The following PHF11 variants were observed in gnomAD, a reference collection of about 807,000 sequenced individuals.
PHF11 encodes the protein BRCA1 C-terminus-associated protein.
In PHF11, 38 loss-of-function variants were observed where a neutral mutation model predicts 40.5. The ratio of observed to expected loss-of-function variants is 0.94; its 90% CI spans 0.72 to 1.23. The LOEUF (loss-of-function observed/expected upper bound fraction) is 1.23. Ranked by LOEUF, PHF11 falls within the 50% of genes most tolerant of loss-of-function variation. The pLI is 0.00. For missense variants in PHF11, 369 were observed against 392.4 expected, an observed-to-expected ratio of 0.94 and a Z score of 0.50; for synonymous variants, 127 against 138.2, an observed-to-expected ratio of 0.92 and a Z score of 0.57.
rs1242547087 is a variant in PHF11 at position 49,526,423 on chromosome 13, G to T, written c.806G>T (p.Arg269Ile). Residue 269 changes from arginine to isoleucine, a missense_variant, in exon 9 of 10, where the codon AGA (arginine) becomes ATA (isoleucine). Coordinates refer to ENST00000378319, the MANE Select transcript of PHF11 (RefSeq NM_001040443.3). Reference protein sequence around the residue: ...EEIGSALFDCRLFEDTFVNFQ... With the variant: ...EEIGSALFDCILFEDTFVNFQ... ...ATCGGGAGTGCACTTTTTGACTGTAGATTGTTCGAAGACACATTTGTAAAT... is the reference window on the plus strand; with the variant it reads ...ATCGGGAGTGCACTTTTTGACTGTATATTGTTCGAAGACACATTTGTAAAT... The T allele has an allele frequency of 1.2e-6, 2 of 1,610,014 alleles. No individual in the cohort carries two copies. Among genetic ancestry groups the T allele is most frequent in the South Asian group, 1.1e-5 (1 of 91,002 alleles).
At chr13:49,522,645 C>G (rs548472633) in intron 6 of PHF11, among the ~76,000 whole-genome samples, 80 of 152,198 alleles carry the variant, frequency 5.3e-4, no homozygotes, top group African/African-American at 1.9e-3. Flanking sequence ...TCATATGCGC[C>G]AGCAACCTTC....
chr13:49,528,751 T>C lies in PHF11; in HGVS notation c.*86T>C. ...CCAGGCTGTGAAATCCACACATCTTTAGAACTAGTCGTCTCCTCTTGGCCT... is the reference window on the plus strand; with the variant it reads ...CCAGGCTGTGAAATCCACACATCTTCAGAACTAGTCGTCTCCTCTTGGCCT... On this transcript the variant is annotated 3_prime_UTR_variant, in exon 10 of 10. Transcript: ENST00000378319. 1 of 934,128 alleles carries C rather than the reference T, an allele frequency of 1.1e-6. No homozygotes were observed. Among genetic ancestry groups the C allele is most frequent in the Non-Finnish European group, 1.6e-6 (1 of 611,846 alleles). The allele number at this position is 934,128 out of a possible 1,614,324, so 57.9% of individuals were successfully genotyped here. A position where few individuals can be genotyped will look rare whatever the true frequency, so the allele number is the denominator to read the frequency against.
rs1263300622 is a variant in PHF11 at position 49,506,901 on chromosome 13, T to TC, written c.216+145_216+146insC. On this transcript the variant is annotated intron_variant, in intron 2 of 9. Coordinates refer to ENST00000378319, the MANE Select transcript of PHF11 (RefSeq NM_001040443.3). Reference sequence around the variant, plus strand: ...AGGTGAAGATTGGGGAGCATTTCTTTTTTTTTTTTTTTTTTTTTTTGAGAC... The same window carrying TC: ...AGGTGAAGATTGGGGAGCATTTCTTTCTTTTTTTTTTTTTTTTTTTTGAGAC... The TC allele has an allele frequency of 8.8e-5, 33 of 374,282 alleles. 1 individual carries two copies. Among genetic ancestry groups the TC allele is most frequent in the African/African-American group, 6.7e-4 (28 of 41,646 alleles). 23.2% of individuals were successfully genotyped at this position (374,282 alleles called of 1,614,324 possible).
At chr13:49,497,439 T>C (rs1278178616) in intron 1 of PHF11, among the ~76,000 whole-genome samples, 1 of 152,180 alleles carries the variant, frequency 6.6e-6, no homozygotes, top group Non-Finnish European at 1.5e-5. Flanking sequence ...TCAGGGCCTC[T>C]CTTTCCTCCG....
In PHF11 at chr13:49,496,040, C is replaced by A; in HGVS notation, c.39C>A (p.Leu13=). The A allele has an allele frequency of 6.9e-7, 1 of 1,448,436 alleles. No homozygotes were observed. Among genetic ancestry groups the A allele is most frequent in the Non-Finnish European group, 9.1e-7 (1 of 1,103,346 alleles). The allele number at this position is 1,448,436 out of a possible 1,614,324, so 89.7% of individuals were successfully genotyped here. The stretch of plus-strand genomic sequence containing the variant: ...CGCCGCCCCGGCCCGAGAGGGTGCT[C>A]GGCGCCAGCAGCCCGGAGGCCCGGC... ...QASPPRPERV[L]GASSPEARPA... is the part of the protein sequence containing the mutation. Residue 13 remains leucine (L), a synonymous_variant, in exon 1 of 10, where the codon CTC becomes CTA. Coordinates refer to ENST00000378319, the MANE Select transcript of PHF11 (RefSeq NM_001040443.3).
chr13:49,513,222 A>T, intron 3 of PHF11, 56 bp downstream of exon 3: 1 of 808,960 alleles, frequency 1.2e-6, no homozygotes, highest in Non-Finnish European at 2.1e-6. Flanking sequence ...CAAGGAATGC[A>T]TTCCAAAGGA....
Position 49,528,601 on chromosome 13 carries a change from G to C in PHF11, c.932G>C (p.Cys311Ser), listed in dbSNP as rs768032393. 3 of 1,611,042 alleles carry C rather than the reference G, an allele frequency of 1.9e-6. No homozygotes were observed. Among genetic ancestry groups the C allele is most frequent in the Non-Finnish European group, 2.5e-6 (3 of 1,177,586 alleles). Residue 311 changes from cysteine to serine, a missense_variant, in exon 10 of 10, where the codon TGC becomes TCC. Coordinates refer to ENST00000378319, the MANE Select transcript of PHF11 (RefSeq NM_001040443.3). ...ELLQDLKQTL[C>S]SFQENRDLMS... ...CTTCAGGACTTAAAACAAACCTTGTGCTCTTTTCAAGAAAATAGAGATCTT... is the reference window on the plus strand; with the variant it reads ...CTTCAGGACTTAAAACAAACCTTGTCCTCTTTTCAAGAAAATAGAGATCTT...
chr13:49,513,256 G>A, intron 3 of PHF11, 90 bp downstream of exon 3: 1 of 633,758 alleles, frequency 1.6e-6, no homozygotes, highest in Non-Finnish European at 2.8e-6. Context: ...ATACACCAGG[G>A]ATAGAGAAGC....
intron 4 of PHF11, 130 bp from the exon 5 acceptor site, chr13:49,520,764 A>C (rs1355653904): frequency 4.9e-6 from 2 of 404,216 alleles, no homozygotes; most frequent in Non-Finnish European, 8.5e-6. Flanking sequence ...ACAGGGCTTC[A>C]AAAAAAAAAA....
At chr13:49,523,947 A>G (rs1189183823) in intron 7 of PHF11, 138 bp from the exon 8 acceptor site, 1 of 490,144 alleles carries the variant, frequency 2.0e-6, no homozygotes, top group African/African-American at 2.0e-5. Context: ...ATAATTAATA[A>G]AAAGGGTGAA....
Position 49,528,690 on chromosome 13 carries a change from G to T in PHF11, c.*25G>T, listed in dbSNP as rs1004076778. 4 of 1,547,930 alleles carry T rather than the reference G, an allele frequency of 2.6e-6. No homozygotes were observed. The highest frequency in any genetic ancestry group is 1.4e-5 in the African/African-American group (1 of 72,518). ...GGGATTACCGTTTCCTAAGCCAAGA[G>T]TCATGTCAAATTGCAATCAGGCTCA... On this transcript the variant is annotated 3_prime_UTR_variant, in exon 10 of 10. Coordinates refer to ENST00000378319, the MANE Select transcript of PHF11 (RefSeq NM_001040443.3).
chr13:49,525,308 C>T (rs1327656730), intron 8 of PHF11, among the ~76,000 whole-genome samples: 1 of 152,178 alleles, frequency 6.6e-6, no homozygotes, highest in Non-Finnish European at 1.5e-5. Flanking sequence ...AGTGCAGTGG[C>T]ATGATCTCAG....
In PHF11 at chr13:49,496,009, AGGCGTCGCCGCCCC is replaced by A. The variant is rs1958797058; in HGVS notation, c.12_25del (p.Ser5ArgfsTer46). ...CGCAGCTGCAGCACAGTCATGGCCC[AGGCGTCGCCGCCCC>A]GGCCCGAGAGGGTGCTCGGCGCCAG... On this transcript the variant is annotated frameshift_variant, in exon 1 of 10. Transcript: ENST00000378319. LOFTEE classifies it high-confidence loss of function. 1 of 1,475,352 alleles carries A rather than the reference AGGCGTCGCCGCCCC, an allele frequency of 6.8e-7. No individual in the cohort carries two copies. 91.4% of individuals were successfully genotyped at this position (1,475,352 alleles called of 1,614,324 possible). A position where few individuals can be genotyped will look rare whatever the true frequency, so the allele number is the denominator to read the frequency against.
In PHF11 at chr13:49,528,518, GA is replaced by G; in HGVS notation, c.856del (p.Ile286PhefsTer11). The stretch of plus-strand genomic sequence containing the variant: ...TATTTCTTCTTTTCATAGCAATAGA[GA>G]AAAAAATTCATGCATCTCAACAAAG... Reference protein sequence around the residue: ...TFVNFQAAIEKKIHASQQRWQ... With the variant: ...TFVNFQAAIEXKIHASQQRWQ... On this transcript the variant is annotated frameshift_variant, in exon 10 of 10. Transcript: ENST00000378319. LOFTEE classifies it low-confidence loss of function (END_TRUNC). 2.5e-6 allele frequency: 4 copies of G among 1,593,986 alleles called. No homozygotes were observed. The highest frequency in any genetic ancestry group is 3.4e-6 in the Non-Finnish European group (4 of 1,171,910).
chr13:49,499,633 G>A (rs1958873621), intron 1 of PHF11, among the ~76,000 whole-genome samples: 1 of 152,306 alleles, frequency 6.6e-6, no homozygotes, highest in African/African-American at 2.4e-5. Flanking sequence ...CAAGCCTCTA[G>A]GTAATGTCTA....
intron 1 of PHF11, among the ~76,000 whole-genome samples, chr13:49,498,793 G>T (rs143810437): frequency 2.6e-5 from 4 of 152,210 alleles, no homozygotes. Context: ...CTTCCACACC[G>T]CTGCCAGCAC....
intron 1 of PHF11, among the ~76,000 whole-genome samples, chr13:49,503,407 CCTAA>C (rs1425367036): frequency 6.6e-6 from 1 of 152,236 alleles, no homozygotes; most frequent in African/African-American, 2.4e-5. Context: ...ATTTTATTTT[CCTAA>C]CTGCTATTTA....
At chr13:49,511,569 C>A (rs1463949472) in intron 2 of PHF11, among the ~76,000 whole-genome samples, 1 of 152,072 alleles carries the variant, frequency 6.6e-6, no homozygotes, top group Non-Finnish European at 1.5e-5. Context: ...CTCAGGTGAT[C>A]CACCTGCCTT....
chr13:49,521,909 CA>C lies in PHF11; in HGVS notation c.506-131del, dbSNP rs909954562. On this transcript the variant is annotated intron_variant, in intron 5 of 9. Coordinates refer to ENST00000378319, the MANE Select transcript of PHF11 (RefSeq NM_001040443.3). ...AATTAACCCTTTATCATAAGTGCTG[CA>C]AACACTTAGTTGAAGTTTGCCATAT... The C allele has an allele frequency of 5.9e-6, 3 of 506,756 alleles. No individual in the cohort carries two copies. In the African/African-American group the frequency reaches 5.9e-5, roughly 10 times the overall value. The allele number at this position is 506,756 out of a possible 1,614,324, so 31.4% of individuals were successfully genotyped here.
Sources: allele counts gnomAD v4.1 joint callset (sites outside exome capture counted in the v4.1 genomes callset), GRCh38; gene constraint gnomAD v4.1.1; transcripts MANE v1.5; gene names NCBI Gene and HGNC (gene_info 2026-07-23, HGNC 2026-07-21).